The following TENM4 variants were observed in gnomAD, a reference collection of about 807,000 sequenced individuals.
TENM4 encodes teneurin transmembrane protein 4.
TENM4 carries 82 observed loss-of-function variants against 243.3 expected under a neutral mutation model. The observed-to-expected ratio is 0.34, with a 90% CI of 0.28 to 0.40. TENM4 has a LOEUF of 0.40. TENM4 is among the 10% of genes least tolerant of loss of function. The pLI is 1.00. For synonymous variants in TENM4, 1,412 were observed against 1,456.3 expected, an observed-to-expected ratio of 0.97 and a Z score of 0.69; for missense variants, 3,138 against 3,673.3, an observed-to-expected ratio of 0.85 and a Z score of 3.77.
intron 31 of TENM4, among the ~76,000 whole-genome samples, chr11:78,670,809 T>C (rs1858304796): frequency 6.6e-6 from 1 of 152,226 alleles, no homozygotes; most frequent in Admixed American, 6.5e-5. Flanking sequence ...ACCTGTAACC[T>C]ACCTGGGGCC....
chr11:79,335,432 G>A (rs914018524), intron 1 of TENM4, among the ~76,000 whole-genome samples: 13 of 152,244 alleles, frequency 8.5e-5, no homozygotes, highest in Non-Finnish European at 1.6e-4. Context: ...TAGCATTGCG[G>A]AGAAGACATA....
At chr11:78,985,319 CA>C (rs199990804) in intron 6 of TENM4, among the ~76,000 whole-genome samples, 3,973 of 151,518 alleles carry the variant, frequency 0.026, 87 homozygotes, top group Non-Finnish European at 0.044. Flanking sequence ...ATTGCTGGGC[CA>C]AAAAAATTAA....
chr11:79,243,865 C>T (rs1219757457), intron 2 of TENM4, among the ~76,000 whole-genome samples: 5 of 152,200 alleles, frequency 3.3e-5, no homozygotes, highest in Non-Finnish European at 5.9e-5. Context: ...AGAGGTGGCC[C>T]ATGTCCCGCG....
intron 2 of TENM4, among the ~76,000 whole-genome samples, chr11:79,227,871 G>A (rs1403645899): frequency 6.6e-6 from 1 of 152,158 alleles, no homozygotes; most frequent in African/African-American, 2.4e-5. Flanking sequence ...TCAGTAGATT[G>A]GTGAAACACT....
chr11:79,080,110 G>A (rs1302162439), intron 4 of TENM4, among the ~76,000 whole-genome samples: 1 of 152,206 alleles, frequency 6.6e-6, no homozygotes, highest in Non-Finnish European at 1.5e-5. Flanking sequence ...TGAAGACCGG[G>A]CTGGTCTGGG....
chr11:79,438,970 A>C lies in TENM4; in HGVS notation c.-321+1539T>G, dbSNP rs1056866949. On this transcript the variant is annotated intron_variant, in intron 1 of 33. Coordinates refer to ENST00000278550, the MANE Select transcript of TENM4 (RefSeq NM_001098816.3). This position sits in a 1 kb window ranked among gnomAD's most constrained non-coding sequence, Gnocchi z 4.1. The stretch of plus-strand genomic sequence containing the variant: ...GGCGCCCCGGTACTTACACTCCCCA[A>C]GCAGGCAAACTTTCAGGCTTGTCTT... 5 of 151,898 alleles carry C rather than the reference A, an allele frequency of 3.3e-5. No homozygotes were observed. The highest frequency in any genetic ancestry group is 1.2e-4 in the African/African-American group (5 of 41,350). 9.4% of individuals were successfully genotyped at this position (151,898 alleles called of 1,614,324 possible).
intron 3 of TENM4, among the ~76,000 whole-genome samples, chr11:79,171,981 T>C (rs954197764): frequency 6.6e-6 from 1 of 152,196 alleles, no homozygotes; most frequent in African/African-American, 2.4e-5. Flanking sequence ...AGACAAGGTC[T>C]TGCTCCGTTA....
intron 6 of TENM4, among the ~76,000 whole-genome samples, chr11:78,908,371 G>A (rs1856110177): frequency 6.6e-6 from 1 of 152,158 alleles, no homozygotes. Context: ...ACCATGCTTG[G>A]AATATAGGAA....
chr11:79,016,055 A>G (rs1238960025), intron 6 of TENM4, among the ~76,000 whole-genome samples: 1 of 152,212 alleles, frequency 6.6e-6, no homozygotes, highest in Non-Finnish European at 1.5e-5. Context: ...CATGGTGAGT[A>G]GAAGGGTAGG....
At chr11:78,969,771 T>G (rs1857504093) in intron 6 of TENM4, among the ~76,000 whole-genome samples, 1 of 152,200 alleles carries the variant, frequency 6.6e-6, no homozygotes, top group African/African-American at 2.4e-5. Flanking sequence ...TTCCCTGGAT[T>G]ATCGGAAGAG....
intron 5 of TENM4, among the ~76,000 whole-genome samples, chr11:79,065,246 T>C (rs539187062): frequency 2.0e-5 from 3 of 152,316 alleles, no homozygotes; most frequent in East Asian, 1.9e-4. Flanking sequence ...GCACCTGCTC[T>C]GTGAAGTCTA....
chr11:79,101,006 T>C (rs896800438), intron 4 of TENM4, among the ~76,000 whole-genome samples: 2 of 151,934 alleles, frequency 1.3e-5, no homozygotes, highest in Non-Finnish European at 2.9e-5. Context: ...AGAGTGCTTC[T>C]CTGGGGGAGG....
intron 4 of TENM4, among the ~76,000 whole-genome samples, chr11:79,099,426 C>T (rs1861166698): frequency 6.6e-6 from 1 of 152,122 alleles, no homozygotes; most frequent in Non-Finnish European, 1.5e-5. Flanking sequence ...GTCCTCTTTG[C>T]CTCTGTGGTC....
chr11:79,021,130 T>G (rs1257852965), intron 6 of TENM4, among the ~76,000 whole-genome samples: 1 of 152,214 alleles, frequency 6.6e-6, no homozygotes, highest in Admixed American at 6.5e-5. Context: ...TATACCTTAC[T>G]GAGTCCTCAC....
chr11:79,319,179 G>A (rs535658608), intron 1 of TENM4, among the ~76,000 whole-genome samples: 1 of 152,182 alleles, frequency 6.6e-6, no homozygotes, highest in Non-Finnish European at 1.5e-5. Flanking sequence ...ACAGTAAGTG[G>A]CAGTGTTCTC....
chr11:79,333,570 C>T (rs1265433473), intron 1 of TENM4, among the ~76,000 whole-genome samples: 1 of 152,138 alleles, frequency 6.6e-6, no homozygotes, highest in Non-Finnish European at 1.5e-5. Flanking sequence ...CTGACAGAGC[C>T]TATGCACATA....
At chr11:79,041,994 G>A (rs1384798535) in intron 6 of TENM4, among the ~76,000 whole-genome samples, 1 of 152,182 alleles carries the variant, frequency 6.6e-6, no homozygotes, top group Non-Finnish European at 1.5e-5. Flanking sequence ...TTAGGAAGGT[G>A]ATCAGCAGGA....
chr11:78,732,663 G>T, intron 20 of TENM4, 86 bp from the exon 21 acceptor site: 1 of 1,425,470 alleles, frequency 7.0e-7, no homozygotes, highest in Non-Finnish European at 9.3e-7. Flanking sequence ...AGAAAGGGGA[G>T]AAAATTACAC....
chr11:78,966,193 T>TAAAAAAAAAA (rs34603312), intron 6 of TENM4, among the ~76,000 whole-genome samples: 9 of 131,598 alleles, frequency 6.8e-5, no homozygotes, highest in African/African-American at 8.4e-5. Flanking sequence ...AAAGGAAAAT[T>TAAAAAAAAAA]AAAAAAAAAA....
Sources: allele counts gnomAD v4.1 joint callset (sites outside exome capture counted in the v4.1 genomes callset), GRCh38; gene constraint gnomAD v4.1.1; non-coding constraint Gnocchi (gnomAD v3.1); transcripts MANE v1.5; gene names NCBI Gene and HGNC (gene_info 2026-07-23, HGNC 2026-07-21).